ATRNL1: variants seen among roughly 807,000 people sequenced by gnomAD.
ATRNL1 encodes the protein attractin-like protein 1.
In ATRNL1, 95 loss-of-function variants were observed where a neutral mutation model predicts 182.7. The ratio of observed to expected loss-of-function variants is 0.52; its 90% CI spans 0.44 to 0.62. The LOEUF is 0.62. ATRNL1 is among the 20% of genes least tolerant of loss of function. The pLI is 0.00. For missense variants in ATRNL1, 1,471 were observed against 1,679.5 expected, an observed-to-expected ratio of 0.88 and a Z score of 2.17; for synonymous variants, 576 against 568.3, an observed-to-expected ratio of 1.01 and a Z score of -0.19.
chr10:115,803,879 A>G (rs1949856814), intron 27 of ATRNL1, among the ~76,000 whole-genome samples: 2 of 152,192 alleles, frequency 1.3e-5, no homozygotes, highest in South Asian at 4.1e-4. Context: ...ACTTGGGATC[A>G]TGGCCTGGCC....
intron 26 of ATRNL1, among the ~76,000 whole-genome samples, chr10:115,711,094 C>A (rs188931560): frequency 2.4e-4 from 36 of 152,038 alleles, no homozygotes; most frequent in Admixed American, 5.2e-4. Context: ...TCTCTGGGTT[C>A]TAAACAAATA....
intron 21 of ATRNL1, among the ~76,000 whole-genome samples, chr10:115,427,711 C>T (rs536854486): frequency 6.6e-6 from 1 of 152,112 alleles, no homozygotes; most frequent in African/African-American, 2.4e-5. Flanking sequence ...TTCTGTGCAC[C>T]TTTGCTGAAA....
intron 1 of ATRNL1, among the ~76,000 whole-genome samples, chr10:115,103,833 G>A (rs1390262794): frequency 1.3e-5 from 2 of 152,170 alleles, no homozygotes; most frequent in Non-Finnish European, 2.9e-5. Flanking sequence ...GTAATGTAAT[G>A]ACGTCCAGTT....
intron 26 of ATRNL1, among the ~76,000 whole-genome samples, chr10:115,699,008 CA>C (rs1425087401): frequency 2.9e-4 from 44 of 151,826 alleles, no homozygotes; most frequent in African/African-American, 1.0e-3. Flanking sequence ...ATATTAGCAA[CA>C]AAAATGGCTA....
intron 28 of ATRNL1, among the ~76,000 whole-genome samples, chr10:115,869,412 G>A (rs1951524033): frequency 6.6e-6 from 1 of 152,036 alleles, no homozygotes; most frequent in Non-Finnish European, 1.5e-5. Context: ...AGGCTCCTTG[G>A]GCAGTCAGAT....
chr10:115,475,478 T>C (rs1353491777), intron 24 of ATRNL1, among the ~76,000 whole-genome samples: 1 of 151,474 alleles, frequency 6.6e-6, no homozygotes, highest in Admixed American at 6.6e-5. Flanking sequence ...CGTTATAGTA[T>C]TTAATTCTCT....
chr10:115,331,264 G>A (rs1855206071), intron 18 of ATRNL1, among the ~76,000 whole-genome samples: 1 of 152,164 alleles, frequency 6.6e-6, no homozygotes, highest in Non-Finnish European at 1.5e-5. Context: ...GTTTCACCAT[G>A]TTAGCCAGGA....
At chr10:115,697,500 A>AT (rs34502026) in intron 26 of ATRNL1, among the ~76,000 whole-genome samples, 1 of 151,864 alleles carries the variant, frequency 6.6e-6, no homozygotes, top group African/African-American at 2.4e-5. Flanking sequence ...TAATTTTTGT[A>AT]TTTTTTGTAA....
chr10:115,543,809 A>C (rs1554992803), intron 25 of ATRNL1, among the ~76,000 whole-genome samples: 1 of 152,202 alleles, frequency 6.6e-6, no homozygotes, highest in African/African-American at 2.4e-5. Context: ...TAATAAAATC[A>C]AGTTATTGAA....
chr10:115,795,062 C>T (rs1949618630), intron 27 of ATRNL1, among the ~76,000 whole-genome samples: 1 of 152,126 alleles, frequency 6.6e-6, no homozygotes, highest in Non-Finnish European at 1.5e-5. Context: ...ATTCCAGTCT[C>T]ATCTTGTACT....
intron 26 of ATRNL1, among the ~76,000 whole-genome samples, chr10:115,635,412 G>T (rs1858803383): frequency 6.6e-6 from 1 of 151,356 alleles, no homozygotes; most frequent in Non-Finnish European, 1.5e-5. Flanking sequence ...AGTTATTTGA[G>T]AAATGCAAAA....
At chr10:115,551,246 T>C (rs1169968805) in intron 26 of ATRNL1, among the ~76,000 whole-genome samples, 1 of 151,702 alleles carries the variant, frequency 6.6e-6, no homozygotes. Flanking sequence ...AAATTGATTT[T>C]GGCTAATATT....
At chr10:115,154,447 C>T (rs1271624632) in intron 5 of ATRNL1, among the ~76,000 whole-genome samples, 1 of 152,082 alleles carries the variant, frequency 6.6e-6, no homozygotes, top group Admixed American at 6.6e-5. Flanking sequence ...TTGAATTGAT[C>T]CCTTTACCAT....
intron 27 of ATRNL1, among the ~76,000 whole-genome samples, chr10:115,813,651 C>T (rs1950099105): frequency 6.6e-6 from 1 of 152,006 alleles, no homozygotes; most frequent in Non-Finnish European, 1.5e-5. Flanking sequence ...TTAAAATTTC[C>T]ACAACAAAGT....
At chr10:115,839,138 A>G (rs4077608) in intron 27 of ATRNL1, among the ~76,000 whole-genome samples, 6,924 of 152,172 alleles carry the variant, frequency 0.046, 551 homozygotes, top group African/African-American at 0.15. Flanking sequence ...ATTTACTTTT[A>G]TGATTGAAGT....
chr10:115,469,600 T>C (rs1188272087), intron 24 of ATRNL1, among the ~76,000 whole-genome samples: 1 of 150,672 alleles, frequency 6.6e-6, no homozygotes, highest in Non-Finnish European at 1.5e-5. Flanking sequence ...GTTTTCTGAT[T>C]AATTATATAC....
intron 27 of ATRNL1, among the ~76,000 whole-genome samples, chr10:115,765,048 TCA>T (rs1314258193): frequency 1.2e-4 from 19 of 152,192 alleles, no homozygotes; most frequent in Non-Finnish European, 2.5e-4. Flanking sequence ...TCTGGATATA[TCA>T]CAGTTTATTT....
At chr10:115,402,416 A>G (rs1844611237) in intron 20 of ATRNL1, among the ~76,000 whole-genome samples, 1 of 152,138 alleles carries the variant, frequency 6.6e-6, no homozygotes, top group African/African-American at 2.4e-5. Flanking sequence ...TATGGAAATA[A>G]TGAATTGTTA....
At chr10:115,863,168 C>T (rs1951354753) in intron 28 of ATRNL1, among the ~76,000 whole-genome samples, 1 of 151,906 alleles carries the variant, frequency 6.6e-6, no homozygotes, top group Admixed American at 6.6e-5. Context: ...TAACTCTGAC[C>T]CTTAGAAAAA....
Sources: gnomAD v4.1 joint callset for allele counts (sites outside exome capture counted in the v4.1 genomes callset) on GRCh38, gnomAD v4.1.1 for gene constraint, MANE v1.5 for transcripts, NCBI Gene and HGNC (gene_info 2026-07-23, HGNC 2026-07-21) for gene names.